Variants in TNR observed in about 807,000 individuals in gnomAD.
The protein encoded by TNR is tenascin R.
In TNR, 45 loss-of-function variants were observed where a neutral mutation model predicts 150.4. The observed-to-expected ratio is 0.30, with a 90% CI of 0.24 to 0.38. TNR has a LOEUF of 0.38. Ranked by LOEUF, TNR falls within the 10% of genes least tolerant of loss-of-function variation. The pLI, the probability that TNR is intolerant of heterozygous loss-of-function variation, is 1.00. For missense variants in TNR, 1,544 were observed against 1,759.1 expected, an observed-to-expected ratio of 0.88 and a Z score of 2.19; for synonymous variants, 687 against 678.4, an observed-to-expected ratio of 1.01 and a Z score of -0.20.
chr1:175,493,481 G>A (rs1439092505), intron 2 of TNR, among the ~76,000 whole-genome samples: 2 of 152,204 alleles, frequency 1.3e-5, no homozygotes, highest in African/African-American at 4.8e-5. Context: ...CCCTTGATGT[G>A]CTAGGAGGAG....
chr1:175,379,453 G>T, intron 9 of TNR, 99 bp downstream of exon 9: 1 of 1,049,512 alleles, frequency 9.5e-7, no homozygotes. Context: ...AGATCAATAG[G>T]AATTGGCCAT....
chr1:175,481,490 A>T (rs547240097), intron 2 of TNR, among the ~76,000 whole-genome samples: 66 of 152,234 alleles, frequency 4.3e-4, no homozygotes, highest in African/African-American at 1.5e-3. Flanking sequence ...ACAAGGGATT[A>T]TCCCCTCTGC....
chr1:175,714,566 A>C (rs1667101994), intron 1 of TNR, among the ~76,000 whole-genome samples: 1 of 152,182 alleles, frequency 6.6e-6, no homozygotes, highest in Admixed American at 6.5e-5. Context: ...CCCCTTTCTC[A>C]GCCCTGCCAG....
chr1:175,461,444 T>C (rs867782569), intron 2 of TNR, among the ~76,000 whole-genome samples: 2 of 152,230 alleles, frequency 1.3e-5, no homozygotes, highest in South Asian at 2.1e-4. Flanking sequence ...TTAGATTCAC[T>C]TCCCCCAAAA....
intron 2 of TNR, among the ~76,000 whole-genome samples, chr1:175,420,515 G>A (rs969037803): frequency 7.9e-5 from 12 of 152,168 alleles, no homozygotes; most frequent in Non-Finnish European, 1.5e-5. Flanking sequence ...GGTTCAGTGT[G>A]GCTTCATGCT....
In TNR at chr1:175,519,272, G is replaced by A. The variant is rs190102295; in HGVS notation, c.-64+8997C>T. Among the ~76,000 whole-genome samples, 454 of 152,204 alleles carry A rather than the reference G, an allele frequency of 3.0e-3. 2 individuals carry two copies. Among genetic ancestry groups the A allele is most frequent in the African/African-American group, 0.01 (429 of 41,536 alleles). ...TACTAATATAACTGCAGTGCATACCGGCATTTCTGATCTTCCAGTGTGTGT... is the reference window on the plus strand; with the variant it reads ...TACTAATATAACTGCAGTGCATACCAGCATTTCTGATCTTCCAGTGTGTGT... On this transcript the variant is annotated intron_variant, in intron 2 of 22. Coordinates refer to ENST00000367674, the MANE Select transcript of TNR (RefSeq NM_003285.3).
At chr1:175,578,439 A>C (rs532474214) in intron 1 of TNR, among the ~76,000 whole-genome samples, 2 of 152,218 alleles carry the variant, frequency 1.3e-5, no homozygotes, top group Non-Finnish European at 2.9e-5. Context: ...CTGTGGATGA[A>C]AAGGGGCTGT....
intron 1 of TNR, among the ~76,000 whole-genome samples, chr1:175,537,118 A>G (rs1660322459): frequency 6.6e-6 from 1 of 152,190 alleles, no homozygotes; most frequent in Admixed American, 6.5e-5. Flanking sequence ...TTAAGTGATC[A>G]CCAAACCTGG....
At chr1:175,628,974 T>C (rs1453153910) in intron 1 of TNR, among the ~76,000 whole-genome samples, 1 of 152,224 alleles carries the variant, frequency 6.6e-6, no homozygotes, top group African/African-American at 2.4e-5. Flanking sequence ...CCTTGTGCTC[T>C]GAGAGTGTGA....
chr1:175,570,710 T>G (rs1175965377), intron 1 of TNR, among the ~76,000 whole-genome samples: 1 of 152,158 alleles, frequency 6.6e-6, no homozygotes, highest in East Asian at 1.9e-4. Context: ...TGTTCCCCCT[T>G]TCACAAATCT....
intron 1 of TNR, among the ~76,000 whole-genome samples, chr1:175,557,226 T>C (rs983714826): frequency 6.6e-6 from 1 of 152,264 alleles, no homozygotes; most frequent in South Asian, 2.1e-4. Flanking sequence ...AACATCTAGG[T>C]TGCAGCTTTC....
chr1:175,406,765 G>A lies in TNR; in HGVS notation c.-51C>T. The stretch of plus-strand genomic sequence containing the variant: ...GGACCAGCCTGCAGCACACAGCATG[G>A]AGTTGTGGGAATCTGCAACGGAAAC... On this transcript the variant is annotated 5_prime_UTR_variant, in exon 3 of 23. Transcript: ENST00000367674. 1 of 1,581,598 alleles carries A rather than the reference G, an allele frequency of 6.3e-7. No individual in the cohort carries two copies. Among genetic ancestry groups the A allele is most frequent in the Non-Finnish European group, 8.6e-7 (1 of 1,164,854 alleles).
intron 1 of TNR, among the ~76,000 whole-genome samples, chr1:175,698,619 T>C (rs1481832039): frequency 6.6e-6 from 1 of 152,042 alleles, no homozygotes; most frequent in Non-Finnish European, 1.5e-5. Context: ...GGCGGGTGGA[T>C]GGCCTGAGGT....
chr1:175,593,898 A>G (rs1358054648), intron 1 of TNR, among the ~76,000 whole-genome samples: 1 of 152,074 alleles, frequency 6.6e-6, no homozygotes, highest in Non-Finnish European at 1.5e-5. Context: ...TGACTTCAGA[A>G]CTCTGGCTGG....
chr1:175,532,668 T>C (rs1660117862), intron 1 of TNR, among the ~76,000 whole-genome samples: 2 of 152,218 alleles, frequency 1.3e-5, no homozygotes, highest in South Asian at 4.2e-4. Flanking sequence ...TTTATCTGAG[T>C]GGTTCTGGCT....
chr1:175,402,451 G>A (rs970920879), intron 4 of TNR, among the ~76,000 whole-genome samples: 24 of 151,642 alleles, frequency 1.6e-4, no homozygotes, highest in African/African-American at 5.1e-4. Context: ...TATACATAGG[G>A]TTGGTTCTAA....
intron 19 of TNR, among the ~76,000 whole-genome samples, chr1:175,336,191 A>G (rs1191581602): frequency 6.6e-6 from 1 of 152,234 alleles, no homozygotes; most frequent in Non-Finnish European, 1.5e-5. Context: ...TTCTCACCAA[A>G]AGAACAGGAC....
chr1:175,468,969 A>AG (rs1306992100), intron 2 of TNR, among the ~76,000 whole-genome samples: 2 of 152,028 alleles, frequency 1.3e-5, no homozygotes. Flanking sequence ...AGGGGAGGGG[A>AG]GGGCAGACTT....
intron 1 of TNR, among the ~76,000 whole-genome samples, chr1:175,580,239 C>G (rs1662297936): frequency 6.6e-6 from 1 of 152,176 alleles, no homozygotes; most frequent in Non-Finnish European, 1.5e-5. Flanking sequence ...TAACTTCTCC[C>G]CAAAGAGAGC....
Sources: gnomAD v4.1 joint callset for allele counts (sites outside exome capture counted in the v4.1 genomes callset) on GRCh38, gnomAD v4.1.1 for gene constraint, MANE v1.5 for transcripts, NCBI Gene and HGNC (gene_info 2026-07-23, HGNC 2026-07-21) for gene names.